DCDC2: variants seen among roughly 807,000 people sequenced by gnomAD.
DCDC2 encodes the protein doublecortin domain-containing protein 2.
In DCDC2, 40 loss-of-function variants were observed where a neutral mutation model predicts 50.2. The observed-to-expected ratio is 0.80, with a 90% confidence interval of 0.62 to 1.04. The LOEUF (loss-of-function observed/expected upper bound fraction) is 1.04. DCDC2 is among the 50% of genes least tolerant of loss of function. The pLI is 0.00. For missense variants in DCDC2, 570 were observed against 581.9 expected, an observed-to-expected ratio of 0.98 and a Z score of 0.21; for synonymous variants, 234 against 210.6, an observed-to-expected ratio of 1.11 and a Z score of -0.96.
chr6:24,359,574 A>T (rs113355373), upstream of DCDC2, among the ~76,000 whole-genome samples: 6 of 114,922 alleles, frequency 5.2e-5, no homozygotes, highest in Admixed American at 1.3e-4. Flanking sequence ...TTATATATAT[A>T]TTTTATATAT....
chr6:24,292,968 T>C (rs182267814), intron 4 of DCDC2, among the ~76,000 whole-genome samples: 10 of 152,366 alleles, frequency 6.6e-5, no homozygotes, highest in African/African-American at 2.2e-4. Flanking sequence ...GCACTATTTT[T>C]CTACTTTTCT....
intron 2 of DCDC2, among the ~76,000 whole-genome samples, chr6:24,351,508 CT>C (rs1328399543): frequency 6.6e-5 from 10 of 152,098 alleles, no homozygotes; most frequent in African/African-American, 2.4e-4. Flanking sequence ...TTTCCATCTC[CT>C]TTAGAAGGGT....
intron 8 of DCDC2, among the ~76,000 whole-genome samples, chr6:24,180,855 CAAGACT>C (rs930407661): frequency 6.6e-6 from 1 of 151,804 alleles, no homozygotes; most frequent in African/African-American, 2.4e-5. Flanking sequence ...ATGAAGGGGA[CAAGACT>C]AAAAGTTCAG....
At chr6:24,268,851 C>T (rs907932964) in intron 7 of DCDC2, among the ~76,000 whole-genome samples, 5 of 152,150 alleles carry the variant, frequency 3.3e-5, no homozygotes, top group African/African-American at 4.8e-5. Context: ...GGATTACAGG[C>T]ATGAGCCACT....
At chr6:24,334,458 A>G (rs9460994) in intron 2 of DCDC2, among the ~76,000 whole-genome samples, 49,407 of 152,042 alleles carry the variant, frequency 0.32, 9,639 homozygotes, top group African/African-American at 0.55. Flanking sequence ...GATTTCCAAT[A>G]AAGTTTTATT....
intron 2 of DCDC2, among the ~76,000 whole-genome samples, chr6:24,329,809 T>C (rs547190595): frequency 3.3e-5 from 5 of 152,114 alleles, no homozygotes; most frequent in Admixed American, 6.6e-5. Context: ...AATGAAGACA[T>C]GAATGAATAA....
At chr6:24,292,924 C>A (rs1314114656) in intron 4 of DCDC2, among the ~76,000 whole-genome samples, 2 of 152,218 alleles carry the variant, frequency 1.3e-5, no homozygotes, top group African/African-American at 4.8e-5. Context: ...GGGGCAAAAT[C>A]ATACCTGCTT....
intron 7 of DCDC2, among the ~76,000 whole-genome samples, chr6:24,218,724 A>G (rs1762033959): frequency 1.3e-5 from 2 of 152,156 alleles, no homozygotes; most frequent in Non-Finnish European, 2.9e-5. Flanking sequence ...CCTGGGCTCG[A>G]GTAATCTGCT....
rs765972041 is a variant in DCDC2, at chr6:24,278,183, A to G, written c.788T>C (p.Val263Ala). Residue 263 changes from valine to alanine, a missense_variant, in exon 7 of 10, where the codon GTT becomes GCT. Coordinates refer to ENST00000378454, the MANE Select transcript of DCDC2 (RefSeq NM_016356.5). ...SGNDRHSKST[V>A]GSSDNSSPQP... ...AGGAGATGAGTTGTCACTGGATCCA[A>G]CTGTTGACTTAGAGTGGCGATCATT... The G allele has an allele frequency of 2.0e-5, 33 of 1,612,296 alleles. No homozygotes were observed. Among genetic ancestry groups the G allele is most frequent in the Non-Finnish European group, 2.6e-5 (31 of 1,179,624 alleles).
chr6:24,205,740 C>T (rs1761706533), intron 7 of DCDC2, among the ~76,000 whole-genome samples: 1 of 152,168 alleles, frequency 6.6e-6, no homozygotes, highest in East Asian at 1.9e-4. Context: ...CTTCAACTTG[C>T]TTTCCTCTGG....
chr6:24,239,506 G>A (rs1284084352), intron 7 of DCDC2, among the ~76,000 whole-genome samples: 3 of 152,162 alleles, frequency 2.0e-5, no homozygotes, highest in Non-Finnish European at 4.4e-5. Context: ...CACTGCCCCT[G>A]TAACACCGAG....
chr6:24,207,174 A>G (rs908895803), intron 7 of DCDC2, among the ~76,000 whole-genome samples: 5 of 152,142 alleles, frequency 3.3e-5, no homozygotes, highest in Admixed American at 2.6e-4. Flanking sequence ...GAAAAAATAA[A>G]TATGTTTAAT....
At chr6:24,204,021 C>T (rs1299510625) in intron 8 of DCDC2, among the ~76,000 whole-genome samples, 2 of 152,152 alleles carry the variant, frequency 1.3e-5, no homozygotes, top group East Asian at 3.9e-4. Flanking sequence ...GAAATAGCAA[C>T]ACTTTTACAC....
intron 1 of DCDC2, 68 bp from the exon 2 acceptor site, chr6:24,353,691 A>G: frequency 9.7e-7 from 1 of 1,027,816 alleles, no homozygotes; most frequent in Non-Finnish European, 1.4e-6. Context: ...TTATTTTTAA[A>G]AATCATAAAA....
chr6:24,342,693 TA>T (rs11364823), intron 2 of DCDC2, among the ~76,000 whole-genome samples: 41,991 of 144,844 alleles, frequency 0.29, 7,855 homozygotes, highest in African/African-American at 0.55. Context: ...AGTCTCCAAT[TA>T]AAAAAAAAAA....
chr6:24,272,459 C>T (rs1255444164), intron 7 of DCDC2, among the ~76,000 whole-genome samples: 2 of 152,124 alleles, frequency 1.3e-5, no homozygotes, highest in Admixed American at 1.3e-4. Context: ...GGATAGAAAA[C>T]CTGTATTTCC....
intron 2 of DCDC2, among the ~76,000 whole-genome samples, chr6:24,316,055 T>C (rs1257546964): frequency 6.6e-6 from 1 of 152,144 alleles, no homozygotes. Flanking sequence ...AGGTGGACAG[T>C]GATGCTGTCT....
At chr6:24,361,642 C>T (rs79425384), upstream of DCDC2, among the ~76,000 whole-genome samples, 1,863 of 152,202 alleles carry the variant, frequency 0.012, 36 homozygotes, top group African/African-American at 0.042. Context: ...TAAGTAGCCC[C>T]CTCCCCAAAC....
intron 2 of DCDC2, among the ~76,000 whole-genome samples, chr6:24,320,400 T>C (rs766264143): frequency 1.3e-5 from 2 of 152,158 alleles, no homozygotes; most frequent in Non-Finnish European, 2.9e-5. Flanking sequence ...GGTACAATCT[T>C]GGCTCACTGC....
Sources: allele counts gnomAD v4.1 joint callset (sites outside exome capture counted in the v4.1 genomes callset), GRCh38; gene constraint gnomAD v4.1.1; transcripts MANE v1.5; gene names NCBI Gene and HGNC (gene_info 2026-07-23, HGNC 2026-07-21).